Variants in UMAD1 observed in about 807,000 individuals in gnomAD.
The protein encoded by UMAD1 is UBAP1-MVB12-associated (UMA) domain containing 1.
UMAD1 carries 8 observed loss-of-function variants against 6.1 expected under a neutral mutation model. That is an observed-to-expected ratio of 1.30 (90% CI 0.76 to 2.35). UMAD1 has a LOEUF of 2.35. UMAD1 is among the 30% of genes most tolerant of loss of function. UMAD1 has a pLI of 0.00. For missense variants in UMAD1, 130 were observed against 78.4 expected, an observed-to-expected ratio of 1.66 and a Z score of -2.49; for synonymous variants, 56 against 31.4, an observed-to-expected ratio of 1.78 and a Z score of -2.61.
chr7:7,647,647 G>T (rs1180176499), intron 1 of UMAD1, among the ~76,000 whole-genome samples: 1 of 152,152 alleles, frequency 6.6e-6, no homozygotes, highest in Admixed American at 6.5e-5. Flanking sequence ...TTCCTCTGTT[G>T]CTGAGGCTGG....
At chr7:7,754,997 G>GGTGA (rs1461022942) in intron 2 of UMAD1, among the ~76,000 whole-genome samples, 2 of 151,976 alleles carry the variant, frequency 1.3e-5, no homozygotes, top group African/African-American at 4.8e-5. Context: ...CAGCTGCTGG[G>GGTGA]GTGATTCTTT....
At chr7:7,826,718 G>A (rs1032881682) in intron 3 of UMAD1, among the ~76,000 whole-genome samples, 2 of 152,014 alleles carry the variant, frequency 1.3e-5, no homozygotes, top group Non-Finnish European at 2.9e-5. Flanking sequence ...TTTTCTGAAA[G>A]CCCCATATAA....
In UMAD1 at chr7:7,797,008, G is replaced by A. The variant is rs1367560654; in HGVS notation, c.83-4662G>A. On this transcript the variant is annotated intron_variant, in intron 2 of 3. Coordinates refer to ENST00000682710, the MANE Select transcript of UMAD1 (RefSeq NM_001302348.2). ...TTAGTCTGTTTATGTTGCTATAAAG[G>A]AATACCTGAGAAGGGTAATTTATAA... Among the ~76,000 whole-genome samples the A allele has an allele frequency of 2.0e-5, 3 of 152,276 alleles. No homozygotes were observed. The South Asian group carries it at 6.2e-4, about 32-fold the overall frequency.
intron 1 of UMAD1, among the ~76,000 whole-genome samples, chr7:7,665,702 C>G (rs2115097230): frequency 6.6e-6 from 1 of 152,258 alleles, no homozygotes; most frequent in East Asian, 1.9e-4. Context: ...TGTGTTCCTC[C>G]CCTCCCCAGG....
intron 2 of UMAD1, among the ~76,000 whole-genome samples, chr7:7,715,557 G>A (rs970093266): frequency 5.3e-5 from 8 of 152,080 alleles, no homozygotes; most frequent in African/African-American, 1.9e-4. Flanking sequence ...TGGGTGTTGG[G>A]TATGCCATTA....
At chr7:7,782,760 G>T (rs1477724248) in intron 2 of UMAD1, among the ~76,000 whole-genome samples, 1 of 141,162 alleles carries the variant, frequency 7.1e-6, no homozygotes, top group African/African-American at 2.7e-5. Context: ...TTTTTGAGAC[G>T]GAGTCTCTTT....
chr7:7,868,278 T>C (rs986319207), intron 3 of UMAD1: 3 of 152,170 alleles, frequency 2.0e-5, no homozygotes, highest in African/African-American at 7.2e-5. Context: ...TCTTGCCTGG[T>C]TCCTTTCCTG....
chr7:7,857,442 T>C (rs374821189), intron 3 of UMAD1, among the ~76,000 whole-genome samples: 2 of 152,232 alleles, frequency 1.3e-5, no homozygotes, highest in East Asian at 3.8e-4. Context: ...TCTGGCACTT[T>C]CTTGCCATTG....
chr7:7,734,276 AT>A (rs1367649638), intron 2 of UMAD1, among the ~76,000 whole-genome samples: 3 of 152,084 alleles, frequency 2.0e-5, no homozygotes, highest in Non-Finnish European at 4.4e-5. Context: ...TTAGACTGTT[AT>A]ATTTACCCTA....
At chr7:7,715,098 A>T (rs1249829665) in intron 2 of UMAD1, 1 of 152,166 alleles carries the variant, frequency 6.6e-6, no homozygotes, top group African/African-American at 2.4e-5. Context: ...GTTTTACGAG[A>T]TGAACTCTGA....
At chr7:7,804,988 CA>C (rs1782882980) in intron 3 of UMAD1, among the ~76,000 whole-genome samples, 1 of 3,924 alleles carries the variant, frequency 2.5e-4, no homozygotes. Context: ...CTCAAGAAAA[CA>C]AAACAAAACA....
chr7:7,783,842 A>G (rs1782401482), intron 2 of UMAD1, among the ~76,000 whole-genome samples: 1 of 152,202 alleles, frequency 6.6e-6, no homozygotes, highest in Non-Finnish European at 1.5e-5. Flanking sequence ...AATGATCAGT[A>G]TACTGTACTT....
chr7:7,870,079 A>G (rs1784307020), intron 3 of UMAD1, among the ~76,000 whole-genome samples: 1 of 152,240 alleles, frequency 6.6e-6, no homozygotes, highest in Non-Finnish European at 1.5e-5. Flanking sequence ...ATAGAATGTA[A>G]GGAATGAAAA....
intron 3 of UMAD1, among the ~76,000 whole-genome samples, chr7:7,841,339 A>T (rs1783677445): frequency 7.0e-6 from 1 of 142,718 alleles, no homozygotes; most frequent in African/African-American, 2.6e-5. Flanking sequence ...TTTTGAGGCC[A>T]GGTGTTGCTC....
At chr7:7,818,541 A>G (rs1450704195) in intron 3 of UMAD1, among the ~76,000 whole-genome samples, 1 of 152,240 alleles carries the variant, frequency 6.6e-6, no homozygotes, top group Non-Finnish European at 1.5e-5. Flanking sequence ...TTAAGGAGAA[A>G]AGAGAATGCT....
At chr7:7,655,836 TC>T (rs373957417) in intron 1 of UMAD1, among the ~76,000 whole-genome samples, 12 of 151,960 alleles carry the variant, frequency 7.9e-5, no homozygotes, top group African/African-American at 2.4e-4. Context: ...TCTCTCTCTC[TC>T]TTTGTTTTTG....
chr7:7,802,880 T>C (rs1782830108), intron 3 of UMAD1, among the ~76,000 whole-genome samples: 1 of 152,188 alleles, frequency 6.6e-6, no homozygotes, highest in Non-Finnish European at 1.5e-5. Flanking sequence ...ATTTTTATTT[T>C]TTATATTTAT....
At chr7:7,763,179 T>C (rs1781924035) in intron 2 of UMAD1, among the ~76,000 whole-genome samples, 1 of 152,216 alleles carries the variant, frequency 6.6e-6, no homozygotes, top group Non-Finnish European at 1.5e-5. Flanking sequence ...TAAATATGGA[T>C]AATTGATATT....
intron 3 of UMAD1, among the ~76,000 whole-genome samples, chr7:7,853,667 A>C (rs571482234): frequency 6.6e-6 from 1 of 152,294 alleles, no homozygotes; most frequent in Non-Finnish European, 1.5e-5. Flanking sequence ...TGTACTCTGC[A>C]ACCTGCTGAA....
Sources: gnomAD v4.1 joint callset for allele counts (sites outside exome capture counted in the v4.1 genomes callset) on GRCh38, gnomAD v4.1.1 for gene constraint, MANE v1.5 for transcripts, NCBI Gene and HGNC (gene_info 2026-07-23, HGNC 2026-07-21) for gene names.